NEGR1: variants seen among roughly 807,000 people sequenced by gnomAD.
NEGR1 encodes IgLON family member 4.
Under a neutral mutation model 40.9 loss-of-function variants are expected in NEGR1, and 10 were observed. The ratio of observed to expected loss-of-function variants is 0.24; its 90% CI spans 0.15 to 0.42. NEGR1 has a LOEUF of 0.42. Among genes scored for constraint, NEGR1 ranks in the 10% least tolerant of loss-of-function variants. The pLI is 1.00. For missense variants in NEGR1, 352 were observed against 438.9 expected, an observed-to-expected ratio of 0.80 and a Z score of 1.77; for synonymous variants, 185 against 166.8, an observed-to-expected ratio of 1.11 and a Z score of -0.84.
At chr1:72,121,068 G>A (rs1159945947) in intron 1 of NEGR1, among the ~76,000 whole-genome samples, 1 of 151,954 alleles carries the variant, frequency 6.6e-6, no homozygotes, top group African/African-American at 2.4e-5. Context: ...TTCTTTCACA[G>A]TGTAGTCATT....
chr1:72,024,690 T>C (rs189266049), intron 1 of NEGR1, among the ~76,000 whole-genome samples: 4 of 152,330 alleles, frequency 2.6e-5, no homozygotes, highest in African/African-American at 9.6e-5. Context: ...TTCCAGAATG[T>C]TTCCACAGCC....
chr1:71,604,340 GA>G (rs543352648), intron 5 of NEGR1, among the ~76,000 whole-genome samples: 17 of 152,010 alleles, frequency 1.1e-4, no homozygotes, highest in Non-Finnish European at 1.6e-4. Context: ...TAAATTGCAT[GA>G]AAACAGTAAA....
chr1:71,466,246 A>T (rs2101350041), intron 6 of NEGR1, among the ~76,000 whole-genome samples: 1 of 152,224 alleles, frequency 6.6e-6, no homozygotes, highest in East Asian at 1.9e-4. Context: ...GTGTTGTAGC[A>T]ATATTCTAAA....
chr1:72,225,514 T>C (rs945584940), intron 1 of NEGR1, among the ~76,000 whole-genome samples: 1 of 151,662 alleles, frequency 6.6e-6, no homozygotes, highest in Admixed American at 6.6e-5. Flanking sequence ...ATTGACTTTA[T>C]AAATACTTAC....
intron 6 of NEGR1, among the ~76,000 whole-genome samples, chr1:71,410,178 T>G (rs1005570256): frequency 6.6e-6 from 1 of 152,106 alleles, no homozygotes; most frequent in Non-Finnish European, 1.5e-5. Flanking sequence ...ATATAATATT[T>G]ATATTAGTCC....
chr1:72,229,402 G>A (rs1054888252), intron 1 of NEGR1, among the ~76,000 whole-genome samples: 5 of 147,150 alleles, frequency 3.4e-5, no homozygotes, highest in Non-Finnish European at 4.5e-5. Flanking sequence ...TGATATTTTA[G>A]GTATCAATAG....
chr1:71,484,159 T>G (rs1646872391), intron 6 of NEGR1, among the ~76,000 whole-genome samples: 1 of 151,762 alleles, frequency 6.6e-6, no homozygotes, highest in South Asian at 2.1e-4. Context: ...ATTACAGCTT[T>G]TCAAATAGGC....
chr1:71,775,823 T>G (rs1656485078), intron 3 of NEGR1, among the ~76,000 whole-genome samples: 1 of 151,680 alleles, frequency 6.6e-6, no homozygotes, highest in South Asian at 2.1e-4. Context: ...AAACCCCTTC[T>G]CTACTAAAAA....
chr1:72,043,497 A>C (rs1646973931), intron 1 of NEGR1, among the ~76,000 whole-genome samples: 1 of 151,822 alleles, frequency 6.6e-6, no homozygotes, highest in Non-Finnish European at 1.5e-5. Flanking sequence ...ATTATTCACA[A>C]ATAATTTTAA....
intron 3 of NEGR1, among the ~76,000 whole-genome samples, chr1:71,761,768 G>A (rs911796056): frequency 2.6e-5 from 4 of 151,978 alleles, no homozygotes; most frequent in Admixed American, 1.3e-4. Flanking sequence ...AAGACTAAGA[G>A]AATCAGTCTT....
chr1:72,092,633 T>C (rs1036573374), intron 1 of NEGR1, among the ~76,000 whole-genome samples: 3 of 152,106 alleles, frequency 2.0e-5, no homozygotes, highest in African/African-American at 7.2e-5. Flanking sequence ...TGTACTACAA[T>C]GTATAATTTC....
At chr1:71,584,274 T>A (rs1010282267) in intron 6 of NEGR1, among the ~76,000 whole-genome samples, 1 of 152,188 alleles carries the variant, frequency 6.6e-6, no homozygotes, top group Non-Finnish European at 1.5e-5. Context: ...TAAAACTGAA[T>A]TTAGAGTGCT....
chr1:71,690,272 A>G (rs1055277162), intron 4 of NEGR1, among the ~76,000 whole-genome samples: 2 of 151,970 alleles, frequency 1.3e-5, no homozygotes, highest in Non-Finnish European at 2.9e-5. Context: ...GCTCTCACAT[A>G]TTGGCTTAAA....
In NEGR1 at chr1:71,733,646, G is replaced by A. The variant is rs79134874; in HGVS notation, c.536-35507C>T. ...GGAAAAATTATAGAAGTTAGTGGGG[G>A]AGTGGAGAAGCTAGGATAAGTAGAA... On this transcript the variant is annotated intron_variant, in intron 3 of 6. Transcript: ENST00000357731. Among the ~76,000 whole-genome samples the A allele has an allele frequency of 2.2e-3, 330 of 152,240 alleles. 3 individuals carry two copies. The East Asian group carries it at 0.038, about 18-fold the overall frequency.
intron 1 of NEGR1, among the ~76,000 whole-genome samples, chr1:72,010,554 T>C (rs1646647121): frequency 6.6e-6 from 1 of 152,078 alleles, no homozygotes; most frequent in Non-Finnish European, 1.5e-5. Context: ...TACCTGCCAG[T>C]CTCAACTAAA....
intron 6 of NEGR1, among the ~76,000 whole-genome samples, chr1:71,459,655 C>G (rs1354155819): frequency 2.0e-5 from 3 of 152,160 alleles, no homozygotes. Context: ...AAGTTCAAAT[C>G]CTGCCCATCC....
At chr1:71,550,984 C>T (rs1648057588) in intron 6 of NEGR1, among the ~76,000 whole-genome samples, 2 of 151,444 alleles carry the variant, frequency 1.3e-5, no homozygotes, top group African/African-American at 4.8e-5. Context: ...GTCTCTCAGA[C>T]CAGCATTATA....
intron 6 of NEGR1, among the ~76,000 whole-genome samples, chr1:71,547,269 G>C (rs1014747173): frequency 4.0e-5 from 6 of 151,742 alleles, no homozygotes; most frequent in African/African-American, 1.5e-4. Context: ...CCCTTCCCTT[G>C]TTGTCTGGTA....
At chr1:72,065,311 C>T (rs1647246454) in intron 1 of NEGR1, among the ~76,000 whole-genome samples, 1 of 152,002 alleles carries the variant, frequency 6.6e-6, no homozygotes, top group African/African-American at 2.4e-5. Context: ...TTTATGTATT[C>T]TTAGAAATCC....
Sources: allele counts gnomAD v4.1 joint callset (sites outside exome capture counted in the v4.1 genomes callset), GRCh38; gene constraint gnomAD v4.1.1; transcripts MANE v1.5; gene names NCBI Gene and HGNC (gene_info 2026-07-23, HGNC 2026-07-21).